The following PRRC2B variants were observed in gnomAD, a reference collection of about 807,000 sequenced individuals.
The protein encoded by PRRC2B is protein PRRC2B.
Under a neutral mutation model 242.3 loss-of-function variants are expected in PRRC2B, and 68 were observed. That is an observed-to-expected ratio of 0.28 (90% confidence interval 0.23 to 0.34). The LOEUF (loss-of-function observed/expected upper bound fraction) is 0.34. Ranked by LOEUF, PRRC2B falls within the 10% of genes least tolerant of loss-of-function variation. PRRC2B has a pLI of 1.00. For missense variants in PRRC2B, 2,835 were observed against 2,954.8 expected (o/e 0.96, Z 0.94); for synonymous variants, 1,228 against 1,173.6 (o/e 1.05, Z -0.95).
chr9:131,447,625 A>G, intron 8 of PRRC2B, 37 bp from the exon 9 acceptor site: 2 of 1,550,088 alleles, frequency 1.3e-6, no homozygotes, highest in African/African-American at 1.4e-5. Context: ...TTCCGTCTGT[A>G]TACTGGACAT....
At chr9:131,406,757 C>G (rs117790522) in intron 1 of PRRC2B, among the ~76,000 whole-genome samples, 102 of 152,074 alleles carry the variant, frequency 6.7e-4, no homozygotes, top group Non-Finnish European at 1.1e-3. Context: ...CTCAGTTCAC[C>G]GAGATCTTAA....
intron 9 of PRRC2B, among the ~76,000 whole-genome samples, chr9:131,448,567 A>AAAAAAAAAAAAAAAAAAAAAAAAAAAAAC (rs1838902097): frequency 6.8e-6 from 1 of 146,254 alleles, no homozygotes; most frequent in Non-Finnish European, 1.5e-5. Flanking sequence ...AAAAAAAAAA[A>AAAAAAAAAAAAAAAAAAAAAAAAAAAAAC]AAAGGAAAGA....
upstream of PRRC2B, among the ~76,000 whole-genome samples, chr9:131,390,204 C>T (rs990583790): frequency 2.7e-5 from 4 of 148,828 alleles, no homozygotes; most frequent in Non-Finnish European, 4.5e-5. Context: ...TGAGCCACTG[C>T]GTCTGGCCTG....
At chr9:131,481,164 G>T (rs1427723919) in intron 19 of PRRC2B, among the ~76,000 whole-genome samples, 4 of 151,848 alleles carry the variant, frequency 2.6e-5, no homozygotes, top group Non-Finnish European at 4.4e-5. Context: ...CAAAAAATTA[G>T]CCGGGCGTGG....
Position 131,483,459 on chromosome 9 carries a change from T to C in PRRC2B, c.5460+14T>C. On this transcript the variant is annotated intron_variant, in intron 23 of 31. Transcript: ENST00000683519. ...TTGGCCAGTAATGTAAGTCCACACT[T>C]CCACTTTTGGCTCCACTCACTGCTT... 1 of 1,611,930 alleles carries C rather than the reference T, an allele frequency of 6.2e-7. No individual in the cohort carries two copies. Among genetic ancestry groups the C allele is most frequent in the Non-Finnish European group, 8.5e-7 (1 of 1,178,294 alleles).
chr9:131,450,267 A>AT (rs368794681), intron 9 of PRRC2B, among the ~76,000 whole-genome samples: 12,145 of 145,202 alleles, frequency 0.084, 741 homozygotes, highest in East Asian at 0.24. Context: ...GACATCTTAA[A>AT]TTTTTTTTTT....
At chr9:131,377,745 CTGTTT>C (rs972628313) in intron 1 of PRRC2B, among the ~76,000 whole-genome samples, 3 of 152,108 alleles carry the variant, frequency 2.0e-5, no homozygotes, top group African/African-American at 7.2e-5. Flanking sequence ...CCTCTCCTCT[CTGTTT>C]TGTTTATTTG....
At chr9:131,463,938 A>T (rs896516227) in intron 11 of PRRC2B, among the ~76,000 whole-genome samples, 1 of 142,694 alleles carries the variant, frequency 7.0e-6, no homozygotes, top group Non-Finnish European at 1.5e-5. Flanking sequence ...TTTGCTAGAC[A>T]TGCTTTTTTT....
In PRRC2B at chr9:131,475,516, A is replaced by G. The variant is rs1053477321; in HGVS notation, c.3387A>G (p.Arg1129=). 5 of 1,609,284 alleles carry G rather than the reference A, an allele frequency of 3.1e-6. No individual in the cohort carries two copies. The highest frequency in any genetic ancestry group is 2.7e-5 in the African/African-American group (2 of 74,682). The part of the protein sequence containing the change: ...EDCPRAKPRR[R]VASETHSEGS... ...GCCCCAGAGCCAAGCCCCGACGGAG[A>G]GTTGCCAGTGAGACCCATAGCGAGG... Residue 1129 remains arginine (R), a synonymous_variant, in exon 16 of 32, where the codon AGA becomes AGG. Transcript: ENST00000683519.
intron 28 of PRRC2B, among the ~76,000 whole-genome samples, chr9:131,488,419 G>A (rs1332337562): frequency 1.3e-5 from 2 of 152,068 alleles, no homozygotes; most frequent in Non-Finnish European, 2.9e-5. Context: ...GTGTGCCACT[G>A]TGCCTGGCTA....
rs766392844 is a variant in PRRC2B, at chr9:131,482,579, A to G, written c.5175+17A>G. 1.9e-6 allele frequency: 3 copies of G among 1,575,358 alleles called. No homozygotes were observed. In the African/African-American group the frequency reaches 4.1e-5, roughly 21 times the overall value. ...GAGCAGAAGGTAACCTGGACGTTCC[A>G]GTCACAGTGGCCAGGGCCTGGGTGG... On this transcript the variant is annotated intron_variant, in intron 21 of 31. Coordinates refer to ENST00000683519, the MANE Select transcript of PRRC2B (RefSeq NM_013318.4). This position sits in a 1 kb window ranked among gnomAD's most constrained non-coding sequence, Gnocchi z 5.2.
rs374329689 is a variant in PRRC2B, at chr9:131,447,115, G to A, written c.886G>A (p.Gly296Ser). 1 of 1,613,992 alleles carries A rather than the reference G, an allele frequency of 6.2e-7. No individual in the cohort carries two copies. Among genetic ancestry groups the A allele is most frequent in the African/African-American group, 1.3e-5 (1 of 75,030 alleles). The change falls in exon 8 of 32, where the codon GGT becomes AGT. Residue 296 changes from glycine (G) to serine (S), a missense_variant. Transcript: ENST00000683519. The part of the protein sequence containing the change: ...MCSPKSSENQ[G>S]TVERGSFPLP... The stretch of plus-strand genomic sequence containing the variant: ...TTCGCCGAAGTCATCAGAAAACCAG[G>A]GTACAGTGGAACGAGGCTCTTTTCC...
intron 9 of PRRC2B, 137 bp downstream of exon 9, chr9:131,447,941 C>T: frequency 6.3e-6 from 5 of 797,024 alleles, no homozygotes; most frequent in Non-Finnish European, 9.1e-6. Context: ...GGGAAGCAGA[C>T]CTGATGCCCT....
rs1260295775 is a variant in PRRC2B, at chr9:131,475,660, T to G, written c.3531T>G (p.Ser1177=). ...STLKKGDCRD[S]WRSNKGCSED... ...TGAAGAAGGGCGACTGCAGAGATTC[T>G]TGGCGGTCCAACAAGGGGTGCTCTG... Residue 1177 remains serine (S), a synonymous_variant, in exon 16 of 32, where the codon TCT becomes TCG. Transcript: ENST00000683519. 5 of 1,611,236 alleles carry G rather than the reference T, an allele frequency of 3.1e-6. No homozygotes were observed. Among genetic ancestry groups the G allele is most frequent in the Non-Finnish European group, 4.2e-6 (5 of 1,178,740 alleles).
At chr9:131,377,851 G>T (rs1055023634) in intron 1 of PRRC2B, among the ~76,000 whole-genome samples, 3 of 152,270 alleles carry the variant, frequency 2.0e-5, no homozygotes, top group African/African-American at 2.4e-5. Flanking sequence ...AATTTCTTGG[G>T]CTGAAGTGAT....
At chr9:131,374,131 C>T (rs1490510230) in intron 1 of PRRC2B, among the ~76,000 whole-genome samples, 1 of 151,878 alleles carries the variant, frequency 6.6e-6, no homozygotes, top group Admixed American at 6.6e-5. Flanking sequence ...TTTCAGTCAC[C>T]CTGATTCGTT....
intron 3 of PRRC2B, among the ~76,000 whole-genome samples, chr9:131,434,110 C>T (rs1400033002): frequency 6.6e-6 from 1 of 152,108 alleles, no homozygotes; most frequent in Non-Finnish European, 1.5e-5. Flanking sequence ...GGTGGTTACA[C>T]GGTATCCATG....
chr9:131,446,900 C>G lies in PRRC2B; in HGVS notation c.856-185C>G, dbSNP rs1838820004. 6.6e-6 allele frequency among the ~76,000 whole-genome samples: 1 copy of G among 152,152 alleles called. No homozygotes were observed. The highest frequency in any genetic ancestry group is 1.5e-5 in the Non-Finnish European group (1 of 68,028). On this transcript the variant is annotated intron_variant, in intron 7 of 31. Transcript: ENST00000683519. This position sits in a 1 kb window ranked among gnomAD's most constrained non-coding sequence, Gnocchi z 4.1. ...GAGGCAGGTTTTCCCTGACATAGGT[C>G]CCCAAGTCTACTTACTGGCAGCAGG...
At chr9:131,461,715 A>C (rs367622731) in intron 11 of PRRC2B, among the ~76,000 whole-genome samples, 1 of 152,134 alleles carries the variant, frequency 6.6e-6, no homozygotes, top group East Asian at 1.9e-4. Flanking sequence ...TAACTTTTGT[A>C]TTTTTAGTAG....
Sources: allele counts gnomAD v4.1 joint callset (sites outside exome capture counted in the v4.1 genomes callset), GRCh38; gene constraint gnomAD v4.1.1; non-coding constraint Gnocchi (gnomAD v3.1); transcripts MANE v1.5; gene names NCBI Gene and HGNC (gene_info 2026-07-23, HGNC 2026-07-21).